Variants in SPEF2 observed in about 807,000 individuals in gnomAD.
SPEF2 encodes the protein sperm flagella and cilia-associated protein 2.
SPEF2 carries 187 observed loss-of-function variants against 224.6 expected under a neutral mutation model. The observed-to-expected ratio is 0.83, with a 90% CI of 0.74 to 0.94. The LOEUF (loss-of-function observed/expected upper bound fraction) is 0.94. Among genes scored for constraint, SPEF2 ranks in the 40% least tolerant of loss-of-function variants. The pLI is 0.00. For synonymous variants in SPEF2, 715 were observed against 707.3 expected, an observed-to-expected ratio of 1.01 and a Z score of -0.17; for missense variants, 2,170 against 2,135.6, an observed-to-expected ratio of 1.02 and a Z score of -0.32.
chr5:35,652,917 G>C (rs972592165), intron 6 of SPEF2, among the ~76,000 whole-genome samples: 1 of 151,736 alleles, frequency 6.6e-6, no homozygotes, highest in Non-Finnish European at 1.5e-5. Flanking sequence ...AAGTAATATT[G>C]TAAACCAAAT....
intron 8 of SPEF2, among the ~76,000 whole-genome samples, chr5:35,664,451 G>GAGGC (rs1750167334): frequency 6.6e-6 from 1 of 152,086 alleles, no homozygotes; most frequent in African/African-American, 2.4e-5. Context: ...ACCACTTTGG[G>GAGGC]AGGCCAAGGC....
chr5:35,759,861 T>TC, intron 25 of SPEF2, 142 bp downstream of exon 25: 1 of 761,946 alleles, frequency 1.3e-6, no homozygotes, highest in Non-Finnish European at 2.0e-6. Flanking sequence ...AACATGTTTT[T>TC]TTTTTAACGT....
intron 9 of SPEF2, among the ~76,000 whole-genome samples, chr5:35,669,770 A>G (rs1750974833): frequency 6.6e-6 from 1 of 152,058 alleles, no homozygotes; most frequent in Non-Finnish European, 1.5e-5. Context: ...AATTATTTAA[A>G]TGCTCTAGTA....
intron 6 of SPEF2, among the ~76,000 whole-genome samples, chr5:35,654,025 C>T (rs1748598631): frequency 6.7e-6 from 1 of 148,770 alleles, no homozygotes; most frequent in South Asian, 2.1e-4. Context: ...CTTTGGAAGG[C>T]CAAGGTGGGC....
At chr5:35,637,662 G>A (rs989559329) in intron 2 of SPEF2, among the ~76,000 whole-genome samples, 4 of 152,150 alleles carry the variant, frequency 2.6e-5, no homozygotes, top group Admixed American at 6.5e-5. Flanking sequence ...AGCTTCTGGT[G>A]TACAGGGTAA....
At chr5:35,749,493 A>G (rs1749076751) in intron 23 of SPEF2, among the ~76,000 whole-genome samples, 1 of 152,152 alleles carries the variant, frequency 6.6e-6, no homozygotes, top group Non-Finnish European at 1.5e-5. Flanking sequence ...CTGATTAAAA[A>G]ATTCAGCAAA....
chr5:35,708,698 T>C (rs2149589360), intron 18 of SPEF2, among the ~76,000 whole-genome samples: 1 of 111,106 alleles, frequency 9.0e-6, no homozygotes, highest in African/African-American at 3.1e-5. Flanking sequence ...TCCATCACCA[T>C]CACCACCACT....
intron 6 of SPEF2, among the ~76,000 whole-genome samples, chr5:35,653,240 A>G (rs553576852): frequency 6.6e-6 from 1 of 152,318 alleles, no homozygotes; most frequent in African/African-American, 2.4e-5. Flanking sequence ...ATGAGATAGG[A>G]CAAGAGCTCT....
At chr5:35,666,999 G>T in intron 8 of SPEF2, 73 bp from the exon 9 acceptor site, 1 of 1,382,200 alleles carries the variant, frequency 7.2e-7, no homozygotes, top group South Asian at 1.4e-5. Flanking sequence ...AGACTTTTTG[G>T]CCATTGAAAT....
At chr5:35,801,804 CT>C (rs1757460489) in intron 34 of SPEF2, among the ~76,000 whole-genome samples, 1 of 152,166 alleles carries the variant, frequency 6.6e-6, no homozygotes, top group Non-Finnish European at 1.5e-5. Flanking sequence ...TTGAGATCTG[CT>C]TCTCTCTAGA....
intron 21 of SPEF2, among the ~76,000 whole-genome samples, chr5:35,734,709 CTT>C (rs869188623): frequency 3.2e-5 from 1 of 31,194 alleles, no homozygotes. Flanking sequence ...TCTTTTTTTT[CTT>C]TTTTTTTTTT....
Position 35,659,806 on chromosome 5 carries a change from A to C in SPEF2, c.1167+599A>C, listed in dbSNP as rs1267985035. Among the ~76,000 whole-genome samples, 3 of 151,628 alleles carry C rather than the reference A, an allele frequency of 2.0e-5. No individual in the cohort carries two copies. In the East Asian group the frequency reaches 5.8e-4, roughly 29 times the overall value. ...AGTAGGCATTGGTATTGGTTATTCTAGGTAAATATCCTCAGGCAGTGAGAG... is the reference window on the plus strand; with the variant it reads ...AGTAGGCATTGGTATTGGTTATTCTCGGTAAATATCCTCAGGCAGTGAGAG... On this transcript the variant is annotated intron_variant, in intron 8 of 36. Transcript: ENST00000356031.
chr5:35,808,614 G>A (rs1257322300), intron 36 of SPEF2, among the ~76,000 whole-genome samples: 2 of 151,864 alleles, frequency 1.3e-5, no homozygotes, highest in African/African-American at 4.8e-5. Flanking sequence ...ATTCCGTGGT[G>A]TATATGTGCC....
rs367661624 is a variant in SPEF2, at chr5:35,659,206, C to T, written c.1166C>T (p.Ala389Val). The change falls in exon 8 of 37, where the codon GCG becomes GTG. Residue 389 changes from alanine (A) to valine (V), a missense_variant and splice_region_variant. By Grantham distance (64) the Ala-to-Val change is moderately conservative. Coordinates refer to ENST00000356031, the MANE Select transcript of SPEF2 (RefSeq NM_024867.4). Reference sequence around the variant, plus strand: ...TTCCAGGATGCTCTTGATCGAGAAGCGGTAAATACCATCTTCCTTAGAAAT... The same window carrying T: ...TTCCAGGATGCTCTTGATCGAGAAGTGGTAAATACCATCTTCCTTAGAAAT... Reference protein sequence around the residue: ...KDFQDALDREAALAKQAKIDF... With the variant: ...KDFQDALDREVALAKQAKIDF... The T allele has an allele frequency of 8.1e-6, 13 of 1,595,810 alleles. No individual in the cohort carries two copies. Among genetic ancestry groups the T allele is most frequent in the Non-Finnish European group, 1.0e-5 (12 of 1,168,850 alleles).
At chr5:35,718,752 G>A (rs1235956315) in intron 20 of SPEF2, among the ~76,000 whole-genome samples, 1 of 152,144 alleles carries the variant, frequency 6.6e-6, no homozygotes, top group Non-Finnish European at 1.5e-5. Context: ...CTTGGGGTTG[G>A]CTTAATCGGC....
At chr5:35,744,376 G>C (rs1748134806) in intron 23 of SPEF2, among the ~76,000 whole-genome samples, 1 of 152,212 alleles carries the variant, frequency 6.6e-6, no homozygotes, top group South Asian at 2.1e-4. Context: ...CTCTGGGCAA[G>C]TGCATAACAA....
chr5:35,692,690 T>C lies in SPEF2; in HGVS notation c.1865T>C (p.Leu622Pro), dbSNP rs1219466280. Residue 622 changes from leucine (L) to proline (P), a missense_variant, in exon 12 of 37, where the codon CTA becomes CCA. Transcript: ENST00000356031. ...CAGAAAAATGATGAAGAAGATGCTC[T>C]ACCAGTTCTGCAAGAGGAGATTAAA... is the stretch of plus-strand genomic sequence containing the variant. ...PIQKNDEEDALPVLQEEIKES... is the reference protein window; with the variant it reads ...PIQKNDEEDAPPVLQEEIKES... 2 of 1,613,740 alleles carry C rather than the reference T, an allele frequency of 1.2e-6. No homozygotes were observed. Among genetic ancestry groups the C allele is most frequent in the Admixed American group, 1.7e-5 (1 of 59,938 alleles).
intron 20 of SPEF2, among the ~76,000 whole-genome samples, chr5:35,721,479 A>G (rs1249382535): frequency 6.6e-6 from 1 of 152,146 alleles, no homozygotes; most frequent in African/African-American, 2.4e-5. Context: ...GACCTTACCA[A>G]TTGTGAAGCC....
At chr5:35,708,847 C>T (rs1027762888) in intron 18 of SPEF2, 101 bp from the exon 19 acceptor site, 24 of 1,103,424 alleles carry the variant, frequency 2.2e-5, no homozygotes, top group South Asian at 6.6e-5. Flanking sequence ...GCTTTAAATA[C>T]GTAAGATTGT....
Sources: gnomAD v4.1 joint callset for allele counts (sites outside exome capture counted in the v4.1 genomes callset) on GRCh38, gnomAD v4.1.1 for gene constraint, MANE v1.5 for transcripts, NCBI Gene and HGNC (gene_info 2026-07-23, HGNC 2026-07-21) for gene names.